The following EIF4E3 variants were observed in gnomAD, a reference collection of about 807,000 sequenced individuals.
EIF4E3 encodes eukaryotic translation initiation factor 4E type 3.
Under a neutral mutation model 31.7 loss-of-function variants are expected in EIF4E3, and 26 were observed. That is an observed-to-expected ratio of 0.82 (90% CI 0.60 to 1.14). EIF4E3 has a LOEUF of 1.14. EIF4E3 is among the 50% of genes most tolerant of loss of function. The pLI, the probability that EIF4E3 is intolerant of heterozygous loss-of-function variation, is 0.00. For synonymous variants in EIF4E3, 128 were observed against 107.7 expected (o/e 1.19, Z -1.17); for missense variants, 304 against 270.9 (o/e 1.12, Z -0.86).
intron 4 of EIF4E3, 62 bp from the exon 5 acceptor site, chr3:71,694,003 C>A: frequency 6.9e-7 from 1 of 1,447,168 alleles, no homozygotes; most frequent in Non-Finnish European, 9.2e-7. Context: ...AGACAATTAT[C>A]CTCAGGAGCT....
chr3:71,745,823 C>T (rs2049866401), intron 1 of EIF4E3, among the ~76,000 whole-genome samples: 1 of 152,132 alleles, frequency 6.6e-6, no homozygotes, highest in African/African-American at 2.4e-5. Context: ...AAAGGGGCCA[C>T]ATTTTTTAAG....
chr3:71,736,068 A>T (rs1172117207), intron 1 of EIF4E3, among the ~76,000 whole-genome samples: 1 of 152,198 alleles, frequency 6.6e-6, no homozygotes, highest in East Asian at 1.9e-4. Context: ...TTAATATCAT[A>T]TGTCACTGGA....
Position 71,675,469 on chromosome 3 carries a change from A to G in EIF4E3, c.*9213T>C, listed in dbSNP as rs1314260468. On this transcript the variant is annotated 3_prime_UTR_variant, in exon 7 of 7. Coordinates refer to ENST00000425534, the MANE Select transcript of EIF4E3 (RefSeq NM_001134651.2). ...AAACCTTGAGAAAATAAGCAAGTAG[A>G]TGGTGTGTCCTAGCTATAAACTGGT... 1 of 152,220 alleles carries G rather than the reference A, an allele frequency of 6.6e-6. No homozygotes were observed. Among genetic ancestry groups the G allele is most frequent in the Non-Finnish European group, 1.5e-5 (1 of 68,038 alleles). 9.4% of individuals were successfully genotyped at this position (152,220 alleles called of 1,614,324 possible). A position where few individuals can be genotyped will look rare whatever the true frequency, so the allele number is the denominator to read the frequency against.
At chr3:71,696,676 T>C (rs2108039245) in intron 3 of EIF4E3, among the ~76,000 whole-genome samples, 156 bp from the exon 4 acceptor site, 1 of 152,258 alleles carries the variant, frequency 6.6e-6, no homozygotes, top group African/African-American at 2.4e-5. Context: ...TATTTTTTAT[T>C]ATGGACACAT....
intron 1 of EIF4E3, among the ~76,000 whole-genome samples, chr3:71,751,445 A>C (rs1032395038): frequency 6.6e-6 from 1 of 152,210 alleles, no homozygotes; most frequent in Non-Finnish European, 1.5e-5. Context: ...GCAAGTGCTC[A>C]GTAAAAGGTG....
At chr3:71,723,936 C>T (rs1417317853) in intron 1 of EIF4E3, among the ~76,000 whole-genome samples, 1 of 151,876 alleles carries the variant, frequency 6.6e-6, no homozygotes, top group Non-Finnish European at 1.5e-5. Context: ...TTCTTATAGA[C>T]GGGTGCTATA....
intron 2 of EIF4E3, among the ~76,000 whole-genome samples, chr3:71,701,529 A>G (rs147627475): frequency 5.3e-5 from 8 of 152,298 alleles, no homozygotes; most frequent in African/African-American, 1.9e-4. Flanking sequence ...TACTGTGCAA[A>G]TAAGAAATAT....
upstream of EIF4E3, chr3:71,725,465 C>G: frequency 1.4e-6 from 1 of 693,820 alleles, no homozygotes; most frequent in African/African-American, 2.0e-5. The surrounding 1 kb of genome is among the most constrained non-coding windows in gnomAD (Gnocchi z 6.1). Flanking sequence ...CCCGCGCGCC[C>G]CGCCCCGCCC....
chr3:71,694,170 T>C (rs950153607), intron 4 of EIF4E3, among the ~76,000 whole-genome samples: 6 of 152,212 alleles, frequency 3.9e-5, no homozygotes, highest in Non-Finnish European at 8.8e-5. Context: ...AGCCAAAGTC[T>C]GGTAAAAGCT....
chr3:71,699,592 A>G, intron 3 of EIF4E3, 22 bp downstream of exon 3: 1 of 1,605,394 alleles, frequency 6.2e-7, no homozygotes, highest in Non-Finnish European at 8.5e-7. Context: ...CCTTGACCTT[A>G]AATTACACGT....
the EIF4E3 span, among the ~76,000 whole-genome samples, chr3:71,665,950 G>A: frequency 2.6e-5 from 4 of 152,178 alleles, no homozygotes; most frequent in African/African-American, 7.2e-5. Flanking sequence ...AGCTAAAGCA[G>A]TTTTTAGAGG....
intron 4 of EIF4E3, among the ~76,000 whole-genome samples, chr3:71,695,977 T>C (rs1037711884): frequency 1.3e-5 from 2 of 152,184 alleles, no homozygotes; most frequent in African/African-American, 4.8e-5. Flanking sequence ...CAGAGGGAGA[T>C]GGAGCATAGT....
chr3:71,696,567 T>C, intron 3 of EIF4E3, 47 bp from the exon 4 acceptor site: 1 of 1,602,018 alleles, frequency 6.2e-7, no homozygotes, highest in Non-Finnish European at 8.6e-7. Flanking sequence ...ACTAAGTGAT[T>C]CTACATACAG....
upstream of EIF4E3, chr3:71,725,464 C>CCCGCCCCGCCCCGGGCTAG (rs1377647659): frequency 1.4e-6 from 1 of 733,730 alleles, no homozygotes; most frequent in Non-Finnish European, 1.7e-6. The surrounding 1 kb of genome is among the most constrained non-coding windows in gnomAD (Gnocchi z 6.1). Context: ...CCCCGCGCGC[C>CCCGCCCCGCCCCGGGCTAG]CCGCCCCGCC....
chr3:71,669,183 G>A, the EIF4E3 span, among the ~76,000 whole-genome samples: 8 of 151,578 alleles, frequency 5.3e-5, no homozygotes, highest in Admixed American at 5.2e-4. Context: ...ACTTATAAGT[G>A]GGAGTTGAAC....
At chr3:71,705,606 A>AC (rs2049281224) in intron 2 of EIF4E3, among the ~76,000 whole-genome samples, 1 of 152,224 alleles carries the variant, frequency 6.6e-6, no homozygotes, top group African/African-American at 2.4e-5. Flanking sequence ...TTAAGGCGAT[A>AC]CACCAAATAA....
chr3:71,686,256 C>G lies in EIF4E3; in HGVS notation c.629-1528G>C, dbSNP rs1032983439. 5.3e-5 allele frequency among the ~76,000 whole-genome samples: 8 copies of G among 152,260 alleles called. No homozygotes were observed. The East Asian group carries it at 1.5e-3, about 29-fold the overall frequency. On this transcript the variant is annotated intron_variant, in intron 6 of 6. Transcript: ENST00000425534. The stretch of plus-strand genomic sequence containing the variant: ...CCACCGGCCTCAGACTCCCAAAGTG[C>G]TGGGATTACAGGCATGAACCACTGT...
In EIF4E3 at chr3:71,679,878, G is replaced by A. The variant is rs116780874; in HGVS notation, c.*4804C>T. The A allele has an allele frequency of 3.3e-3, 507 of 152,260 alleles. 3 individuals carry two copies. The highest frequency in any genetic ancestry group is 0.011 in the African/African-American group (467 of 41,560). The allele number at this position is 152,260 out of a possible 1,614,324, so 9.4% of individuals were successfully genotyped here. ...TAACGTTCATTTAATCTTGTTCAAT[G>A]ATGCTGAACCCCAGATGCCATAAGA... is the stretch of plus-strand genomic sequence containing the variant. On this transcript the variant is annotated 3_prime_UTR_variant, in exon 7 of 7. Coordinates refer to ENST00000425534, the MANE Select transcript of EIF4E3 (RefSeq NM_001134651.2).
intron 6 of EIF4E3, among the ~76,000 whole-genome samples, chr3:71,687,227 C>T (rs1349873314): frequency 6.6e-6 from 1 of 152,160 alleles, no homozygotes; most frequent in African/African-American, 2.4e-5. Context: ...GTCTTTAACT[C>T]CTGACCTCAG....
Sources: allele counts gnomAD v4.1 joint callset (sites outside exome capture counted in the v4.1 genomes callset), GRCh38; gene constraint gnomAD v4.1.1; non-coding constraint Gnocchi (gnomAD v3.1); transcripts MANE v1.5; gene names NCBI Gene and HGNC (gene_info 2026-07-23, HGNC 2026-07-21).